HNF4G: variants seen among roughly 807,000 people sequenced by gnomAD.
HNF4G encodes the protein hepatocyte nuclear factor 4-gamma.
A neutral mutation model predicts 50.9 loss-of-function variants in HNF4G; 21 were observed. That is an observed-to-expected ratio of 0.41 (90% CI 0.29 to 0.59). The LOEUF is 0.59. Ranked by LOEUF, HNF4G falls within the 20% of genes least tolerant of loss-of-function variation. The pLI is 0.26. For synonymous variants in HNF4G, 198 were observed against 185.6 expected (o/e 1.07, Z -0.54); for missense variants, 527 against 559.4 (o/e 0.94, Z 0.58).
chr8:75,499,518 C>T (rs1812867991), intron 2 of HNF4G, among the ~76,000 whole-genome samples: 1 of 151,406 alleles, frequency 6.6e-6, no homozygotes, highest in South Asian at 2.1e-4. Flanking sequence ...TTTTGCAGAC[C>T]TTGACAAGCT....
In HNF4G at chr8:75,444,035, C is replaced by T. The variant is rs931253847; in HGVS notation, c.-144+35873C>T. 3.9e-5 allele frequency among the ~76,000 whole-genome samples: 6 copies of T among 152,172 alleles called. No homozygotes were observed. The South Asian group carries it at 6.2e-4, about 16-fold the overall frequency. ...ACCTAGGGCAGCCAGAGAGAAAGGT[C>T]GGGTTACCCTCAAAGGGAAGCCCAT... On this transcript the variant is annotated intron_variant, in intron 1 of 10. Coordinates refer to the HNF4G transcript ENST00000354370.
At chr8:75,419,710 C>T (rs1292984377) in intron 1 of HNF4G, among the ~76,000 whole-genome samples, 4 of 152,230 alleles carry the variant, frequency 2.6e-5, no homozygotes, top group African/African-American at 9.6e-5. Context: ...AATGTAATTG[C>T]AGCTCATGGA....
chr8:75,545,331 G>C (rs776681414), intron 2 of HNF4G, among the ~76,000 whole-genome samples: 1 of 150,724 alleles, frequency 6.6e-6, no homozygotes, highest in Non-Finnish European at 1.5e-5. Context: ...AATCACAAAG[G>C]CTATGAGGAC....
At chr8:75,559,698 T>C (rs565516357) in intron 8 of HNF4G, among the ~76,000 whole-genome samples, 5 of 152,146 alleles carry the variant, frequency 3.3e-5, no homozygotes, top group South Asian at 2.1e-4. Flanking sequence ...TTCAAATATA[T>C]CATGGTTTTT....
chr8:75,529,676 G>A (rs722989), intron 2 of HNF4G, among the ~76,000 whole-genome samples: 26,152 of 151,886 alleles, frequency 0.17, 2,463 homozygotes, highest in African/African-American at 0.25. Flanking sequence ...AAAAGAAACA[G>A]AAAAGGGTTC....
chr8:75,541,051 T>C (rs1806606713), intron 1 of HNF4G, among the ~76,000 whole-genome samples: 1 of 152,092 alleles, frequency 6.6e-6, no homozygotes, highest in South Asian at 2.1e-4. Context: ...AGCACAACTA[T>C]AGTTAAAATA....
intron 1 of HNF4G, among the ~76,000 whole-genome samples, chr8:75,443,514 G>A (rs1159668121): frequency 6.6e-6 from 1 of 152,040 alleles, no homozygotes; most frequent in Non-Finnish European, 1.5e-5. Context: ...AAAATTTAAA[G>A]TATTCGATGT....
chr8:75,527,767 T>A (rs576194935), intron 2 of HNF4G, among the ~76,000 whole-genome samples: 44 of 152,356 alleles, frequency 2.9e-4, no homozygotes, highest in African/African-American at 1.0e-3. Context: ...AATGTAGATA[T>A]ATGAGATCTT....
chr8:75,433,712 T>G (rs1049489106), intron 1 of HNF4G, among the ~76,000 whole-genome samples: 17 of 152,178 alleles, frequency 1.1e-4, no homozygotes, highest in African/African-American at 3.9e-4. Flanking sequence ...GATACAATTT[T>G]AAACCTTTAT....
intron 1 of HNF4G, among the ~76,000 whole-genome samples, chr8:75,464,228 A>T (rs965926098): frequency 7.7e-6 from 1 of 129,758 alleles, no homozygotes. Context: ...GTGAAAATGG[A>T]TTCTCTCTCT....
intron 1 of HNF4G, among the ~76,000 whole-genome samples, chr8:75,434,454 A>G (rs977757776): frequency 6.6e-6 from 1 of 152,168 alleles, no homozygotes; most frequent in Non-Finnish European, 1.5e-5. Context: ...CTTATAATAG[A>G]GAGGAAATAA....
chr8:75,493,920 C>A (rs561858677), intron 2 of HNF4G, among the ~76,000 whole-genome samples: 3 of 152,276 alleles, frequency 2.0e-5, no homozygotes, highest in South Asian at 4.1e-4. Flanking sequence ...ACATTTTCCA[C>A]TGAAAGCAAA....
intron 1 of HNF4G, among the ~76,000 whole-genome samples, chr8:75,483,171 A>G (rs1449918736): frequency 6.6e-6 from 1 of 152,234 alleles, no homozygotes; most frequent in Admixed American, 6.5e-5. Flanking sequence ...TGCTAAAATA[A>G]ATATAAAATG....
intron 1 of HNF4G, among the ~76,000 whole-genome samples, chr8:75,438,568 T>C (rs1811196324): frequency 6.6e-6 from 1 of 151,918 alleles, no homozygotes; most frequent in Admixed American, 6.6e-5. Flanking sequence ...CTCCCTCCCT[T>C]CCTTTCTTCC....
chr8:75,424,907 C>T (rs1051278918), intron 1 of HNF4G, among the ~76,000 whole-genome samples: 21 of 151,930 alleles, frequency 1.4e-4, no homozygotes, highest in South Asian at 2.1e-4. Flanking sequence ...GAGTACATAC[C>T]TAGTAATGGG....
intron 2 of HNF4G, among the ~76,000 whole-genome samples, chr8:75,544,915 C>G (rs1418953587): frequency 6.6e-6 from 1 of 151,916 alleles, no homozygotes; most frequent in Non-Finnish European, 1.5e-5. Flanking sequence ...ATGTGATTTC[C>G]TAGGGTGCAA....
chr8:75,549,960 TA>T (rs1269310303), intron 3 of HNF4G, among the ~76,000 whole-genome samples: 2 of 152,122 alleles, frequency 1.3e-5, no homozygotes, highest in African/African-American at 4.8e-5. Context: ...TATGGCTGCA[TA>T]GTATTCCATG....
At chr8:75,418,215 T>C (rs1810687567) in intron 1 of HNF4G, among the ~76,000 whole-genome samples, 1 of 152,156 alleles carries the variant, frequency 6.6e-6, no homozygotes, top group Non-Finnish European at 1.5e-5. Context: ...GTGTGCTGTC[T>C]GTGTCCTGAT....
intron 1 of HNF4G, among the ~76,000 whole-genome samples, chr8:75,423,521 T>A (rs1810821302): frequency 6.6e-6 from 1 of 151,076 alleles, no homozygotes; most frequent in African/African-American, 2.4e-5. Context: ...CCCGACTAGC[T>A]GGGACTACAG....
Sources: gnomAD v4.1 joint callset for allele counts (sites outside exome capture counted in the v4.1 genomes callset) on GRCh38, gnomAD v4.1.1 for gene constraint, MANE v1.5 for transcripts, NCBI Gene and HGNC (gene_info 2026-07-23, HGNC 2026-07-21) for gene names.